MCC: variants seen among roughly 807,000 people sequenced by gnomAD.
MCC encodes the protein MCC regulator of Wnt signaling pathway.
Under a neutral mutation model 116.2 loss-of-function variants are expected in MCC, and 90 were observed. The ratio of observed to expected loss-of-function variants is 0.77; its 90% CI spans 0.65 to 0.92. The LOEUF (loss-of-function observed/expected upper bound fraction) is 0.92, where lower values mean the gene tolerates loss of function less well. MCC is among the 40% of genes least tolerant of loss of function. The pLI, the probability that MCC is intolerant of heterozygous loss-of-function variation, is 0.00. For synonymous variants in MCC, 578 were observed against 510.5 expected (o/e 1.13, Z -1.78); for missense variants, 1,516 against 1,312.2 (o/e 1.16, Z -2.40).
chr5:113,356,435 T>C (rs1331698504), intron 2 of MCC, among the ~76,000 whole-genome samples: 1 of 149,716 alleles, frequency 6.7e-6, no homozygotes, highest in African/African-American at 2.4e-5. Flanking sequence ...ATATATAATT[T>C]TTAACTGGAA....
chr5:113,098,064 C>A (rs1484043753), intron 8 of MCC, among the ~76,000 whole-genome samples: 1 of 152,182 alleles, frequency 6.6e-6, no homozygotes, highest in East Asian at 1.9e-4. Flanking sequence ...TAGAAAATCT[C>A]AGAAGGAACT....
chr5:113,464,911 CACTG>C (rs2150427392), intron 1 of MCC, among the ~76,000 whole-genome samples: 1 of 152,120 alleles, frequency 6.6e-6, no homozygotes, highest in African/African-American at 2.4e-5. Flanking sequence ...AGGAAAACTT[CACTG>C]ACTGACATAA....
chr5:113,471,321 C>A (rs1772083787), intron 1 of MCC, among the ~76,000 whole-genome samples: 1 of 152,144 alleles, frequency 6.6e-6, no homozygotes, highest in African/African-American at 2.4e-5. Context: ...TACCTTTGGT[C>A]TTTGATGATG....
At position 113,151,430 on chromosome 5, in the gene MCC, G is replaced by C. The variant is rs771959582; in HGVS notation, c.628-8C>G. 1 of 1,512,450 alleles carries C rather than the reference G, an allele frequency of 6.6e-7. No homozygotes were observed. The highest frequency in any genetic ancestry group is 9.2e-7 in the Non-Finnish European group (1 of 1,091,274). The allele number at this position is 1,512,450 out of a possible 1,614,324, so 93.7% of individuals were successfully genotyped here. ...CAGGGCTGCTGAATGGAGCTGTGGT[G>C]ACAGAAAGGAGGAGATTAGAGTATT... On this transcript the variant is annotated splice_region_variant and splice_polypyrimidine_tract_variant and intron_variant, in intron 3 of 18. Coordinates refer to ENST00000408903, the MANE Select transcript of MCC (RefSeq NM_001085377.2).
chr5:113,278,877 C>T (rs1471120930), intron 3 of MCC, among the ~76,000 whole-genome samples: 1 of 152,174 alleles, frequency 6.6e-6, no homozygotes, highest in Non-Finnish European at 1.5e-5. Context: ...TCATTCTCAC[C>T]ACCATATAGT....
At chr5:113,158,714 C>T (rs4705798) in intron 3 of MCC, among the ~76,000 whole-genome samples, 136,914 of 152,238 alleles carry the variant, frequency 0.9, 62,010 homozygotes, top group Non-Finnish European at 0.96. Context: ...GAAAATCAGC[C>T]GAAGTGAAGA....
intron 6 of MCC, among the ~76,000 whole-genome samples, chr5:113,113,789 A>C (rs534407384): frequency 6.6e-6 from 1 of 152,192 alleles, no homozygotes; most frequent in South Asian, 2.1e-4. Flanking sequence ...ACAAGAGACA[A>C]AACAGCAGGA....
intron 14 of MCC, among the ~76,000 whole-genome samples, chr5:113,057,885 G>A (rs1484648597): frequency 1.3e-5 from 2 of 152,228 alleles, no homozygotes; most frequent in African/African-American, 2.4e-5. Flanking sequence ...CAGGGCTGAG[G>A]GTGGAGATGT....
At chr5:113,394,650 A>C (rs111922400) in intron 1 of MCC, among the ~76,000 whole-genome samples, 3,624 of 152,256 alleles carry the variant, frequency 0.024, 55 homozygotes, top group Middle Eastern at 0.044. Flanking sequence ...ACTCCAGCGC[A>C]TGTTTCATAA....
intron 1 of MCC, among the ~76,000 whole-genome samples, chr5:113,487,540 AGTTT>A (rs1772568396): frequency 6.6e-6 from 1 of 152,222 alleles, no homozygotes; most frequent in African/African-American, 2.4e-5. Flanking sequence ...AACACCCCAA[AGTTT>A]GTTTGTGAGT....
rs774259423 is a variant in MCC at position 113,082,983 on chromosome 5, A to C, written c.1661T>G (p.Leu554Arg). Residue 554 changes from leucine to arginine, a missense_variant, in exon 11 of 19, where the codon CTG (leucine) becomes CGG (arginine). Coordinates refer to ENST00000408903, the MANE Select transcript of MCC (RefSeq NM_001085377.2). ...IGVSSSVAEH[L>R]AHSLQDCSNI... ...GGAGCAGTCCTGAAGTGAGTGGGCC[A>C]GGTGTTCAGCCACACTGCTGGATAC... 19 of 1,614,098 alleles carry C rather than the reference A, an allele frequency of 1.2e-5. No homozygotes were observed. The highest frequency in any genetic ancestry group is 1.3e-5 in the Non-Finnish European group (15 of 1,180,010).
At chr5:113,267,753 T>C (rs1765473305) in intron 3 of MCC, among the ~76,000 whole-genome samples, 4 of 152,200 alleles carry the variant, frequency 2.6e-5, no homozygotes, top group Non-Finnish European at 4.4e-5. Context: ...GCCTTTCTTT[T>C]GGGAGTAATG....
chr5:113,466,230 C>A (rs200486580), intron 1 of MCC, among the ~76,000 whole-genome samples: 1 of 151,132 alleles, frequency 6.6e-6, no homozygotes, highest in African/African-American at 2.4e-5. Context: ...ATGTGCACAA[C>A]GTGCAGGTTT....
intron 3 of MCC, among the ~76,000 whole-genome samples, chr5:113,237,697 T>C (rs1764183904): frequency 6.6e-6 from 1 of 152,156 alleles, no homozygotes; most frequent in Non-Finnish European, 1.5e-5. Context: ...AAAAATAAAA[T>C]GGAACTTCCT....
intron 6 of MCC, among the ~76,000 whole-genome samples, chr5:113,106,485 C>T (rs1328837710): frequency 6.6e-6 from 1 of 152,136 alleles, no homozygotes; most frequent in East Asian, 1.9e-4. Context: ...TCCACAGGTT[C>T]CTTTCCTTTG....
intron 5 of MCC, among the ~76,000 whole-genome samples, chr5:113,130,017 T>C (rs907418419): frequency 6.6e-6 from 1 of 152,214 alleles, no homozygotes; most frequent in African/African-American, 2.4e-5. Context: ...ATCATTCTGC[T>C]ATAAAGACAC....
At chr5:113,217,534 T>C (rs1029412939) in intron 3 of MCC, among the ~76,000 whole-genome samples, 1 of 148,694 alleles carries the variant, frequency 6.7e-6, no homozygotes, top group African/African-American at 2.6e-5. Flanking sequence ...TTGAGTTTTG[T>C]ATGCATCAAA....
intron 3 of MCC, among the ~76,000 whole-genome samples, chr5:113,244,130 A>AT: frequency 6.6e-6 from 1 of 152,322 alleles, no homozygotes; most frequent in South Asian, 2.1e-4. Flanking sequence ...TACATAATTG[A>AT]TTCTAATAGA....
intron 1 of MCC, among the ~76,000 whole-genome samples, chr5:113,486,543 T>C (rs1254472721): frequency 6.6e-6 from 1 of 152,178 alleles, no homozygotes; most frequent in Non-Finnish European, 1.5e-5. Context: ...CCGTGTGAAA[T>C]TAAACTTTTT....
Sources: gnomAD v4.1 joint callset for allele counts (sites outside exome capture counted in the v4.1 genomes callset) on GRCh38, gnomAD v4.1.1 for gene constraint, MANE v1.5 for transcripts, NCBI Gene and HGNC (gene_info 2026-07-23, HGNC 2026-07-21) for gene names.